The following SFMBT2 variants were observed in gnomAD, a reference collection of about 807,000 sequenced individuals.
SFMBT2 encodes the protein scm-like with four MBT domains protein 2.
Under a neutral mutation model 110.1 loss-of-function variants are expected in SFMBT2, and 38 were observed. The observed-to-expected ratio is 0.35, with a 90% CI of 0.27 to 0.45. The LOEUF is 0.45. SFMBT2 is among the 20% of genes least tolerant of loss of function. The pLI, the probability that SFMBT2 is intolerant of heterozygous loss-of-function variation, is 1.00. For synonymous variants in SFMBT2, 425 were observed against 425.4 expected, an observed-to-expected ratio of 1.00 and a Z score of 0.01; for missense variants, 1,011 against 1,094.9, an observed-to-expected ratio of 0.92 and a Z score of 1.08.
In SFMBT2 at chr10:7,380,950, G is replaced by C. The variant is rs558776766; in HGVS notation, c.100+849C>G. ...TGTAGTCCCAGCTATTGTGGAGGCTGAGGTGGGAAGATCACTTGGGCCCAA... is the reference window on the plus strand; with the variant it reads ...TGTAGTCCCAGCTATTGTGGAGGCTCAGGTGGGAAGATCACTTGGGCCCAA... On this transcript the variant is annotated intron_variant, in intron 2 of 20. Coordinates refer to ENST00000397167, the MANE Select transcript of SFMBT2 (RefSeq NM_001387889.1). Among the ~76,000 whole-genome samples the C allele has an allele frequency of 5.3e-5, 8 of 152,208 alleles. No individual in the cohort carries two copies. The South Asian group carries it at 1.7e-3, about 32-fold the overall frequency.
At chr10:7,331,585 C>T (rs924074423) in intron 4 of SFMBT2, among the ~76,000 whole-genome samples, 1 of 152,140 alleles carries the variant, frequency 6.6e-6, no homozygotes, top group Non-Finnish European at 1.5e-5. Flanking sequence ...CCACCACTGC[C>T]GCCCTGTCCA....
rs1845026646 is a variant in SFMBT2 at position 7,370,307 on chromosome 10, C to G, written c.169G>C (p.Ala57Pro). Reference protein sequence around the residue: ...GEYLEETGASAAPHTSFKHVE... With the variant: ...GEYLEETGASPAPHTSFKHVE... The stretch of plus-strand genomic sequence containing the variant: ...TGTTTGAATGATGTGTGGGGAGCAG[C>G]ACTTGCTCCTGTCTCTTCCAAATAT... Residue 57 changes from alanine (A) to proline (P), a missense_variant, in exon 3 of 21, where the codon GCT becomes CCT. By Grantham distance (27) the Ala-to-Pro change is conservative. This residue lies in a region of SFMBT2 where 979 missense variants were observed against 1,016.1 expected (regional missense o/e 0.96). Coordinates refer to ENST00000397167, the MANE Select transcript of SFMBT2 (RefSeq NM_001387889.1). 6.2e-7 allele frequency: 1 copy of G among 1,613,830 alleles called. No homozygotes were observed. Among genetic ancestry groups the G allele is most frequent in the Admixed American group, 1.7e-5 (1 of 60,004 alleles).
chr10:7,360,018 C>T (rs960253646), intron 4 of SFMBT2, among the ~76,000 whole-genome samples: 1 of 152,168 alleles, frequency 6.6e-6, no homozygotes. Context: ...AGAATAATAC[C>T]AGCCACTTCA....
chr10:7,179,897 G>A (rs10905115), intron 16 of SFMBT2, among the ~76,000 whole-genome samples: 73,545 of 152,164 alleles, frequency 0.48, 20,068 homozygotes, highest in East Asian at 0.64. Context: ...GAAGATTTAA[G>A]TTATAGCATC....
intron 4 of SFMBT2, chr10:7,329,434 A>T (rs1843498700): frequency 1.0e-6 from 1 of 985,290 alleles, no homozygotes; most frequent in Admixed American, 6.1e-5. Context: ...ACATCCCCAC[A>T]ACCACAAAAG....
chr10:7,177,850 T>G (rs1174728027), intron 16 of SFMBT2, among the ~76,000 whole-genome samples: 1 of 128,606 alleles, frequency 7.8e-6, no homozygotes, highest in Non-Finnish European at 1.8e-5. Flanking sequence ...ACAGTGGGGC[T>G]CTGTCTCTTA....
At chr10:7,198,497 T>C (rs1437607221) in intron 14 of SFMBT2, among the ~76,000 whole-genome samples, 1 of 152,220 alleles carries the variant, frequency 6.6e-6, no homozygotes, top group African/African-American at 2.4e-5. Context: ...TTCTCCACAG[T>C]GACTACCCCA....
At position 7,273,538 on chromosome 10, in the gene SFMBT2, T is replaced by C. The variant is rs373947788; in HGVS notation, c.870+3354A>G. On this transcript the variant is annotated intron_variant, in intron 7 of 20. Transcript: ENST00000397167. Reference sequence around the variant, plus strand: ...GTGCACAACGTGCAGGTTTGTTACATATGTATACATGTGCCATGTTGGTGT... The same window carrying C: ...GTGCACAACGTGCAGGTTTGTTACACATGTATACATGTGCCATGTTGGTGT... Among the ~76,000 whole-genome samples the C allele has an allele frequency of 7.2e-5, 11 of 152,356 alleles. No homozygotes were observed. In the East Asian group the frequency reaches 1.9e-3, roughly 27 times the overall value.
intron 7 of SFMBT2, chr10:7,249,458 A>T (rs1418051827): frequency 2.2e-5 from 21 of 938,672 alleles, no homozygotes; most frequent in Non-Finnish European, 2.7e-5. Flanking sequence ...CACAGTCTGG[A>T]TAAACAGCAG....
chr10:7,160,441 G>A lies in SFMBT2; in HGVS notation c.*3329C>T, dbSNP rs934935157. 7 of 152,288 alleles carry A rather than the reference G, an allele frequency of 4.6e-5. No homozygotes were observed. The highest frequency in any genetic ancestry group is 2.1e-4 in the South Asian group (1 of 4,816). 9.4% of individuals were successfully genotyped at this position (152,288 alleles called of 1,614,324 possible). A position where few individuals can be genotyped will look rare whatever the true frequency, so the allele number is the denominator to read the frequency against. ...CATCTCTTTCTCAGGGTTTTCAAAC[G>A]GCGCAGACTGCAGAGTCTCCCGGGC... On this transcript the variant is annotated 3_prime_UTR_variant, in exon 21 of 21. Transcript: ENST00000397167.
chr10:7,357,440 G>A (rs552612890), intron 4 of SFMBT2, among the ~76,000 whole-genome samples: 4 of 152,278 alleles, frequency 2.6e-5, no homozygotes, highest in Middle Eastern at 3.4e-3. Context: ...CCCAAAGCCC[G>A]AGGGGATTCT....
intron 9 of SFMBT2, among the ~76,000 whole-genome samples, chr10:7,233,789 T>C (rs1159688349): frequency 1.3e-5 from 2 of 152,244 alleles, no homozygotes; most frequent in African/African-American, 4.8e-5. Flanking sequence ...CCAACATTCC[T>C]TGAACACCCA....
chr10:7,233,832 G>A (rs535116210), intron 9 of SFMBT2, among the ~76,000 whole-genome samples: 11 of 152,280 alleles, frequency 7.2e-5, no homozygotes, highest in African/African-American at 2.4e-4. Flanking sequence ...AACCCTTCAG[G>A]GGATGAATGT....
At chr10:7,193,446 C>A (rs368441058) in intron 15 of SFMBT2, among the ~76,000 whole-genome samples, 3 of 152,244 alleles carry the variant, frequency 2.0e-5, no homozygotes, top group Non-Finnish European at 4.4e-5. Context: ...GGGATTTTCT[C>A]CAAGGACAAT....
intron 7 of SFMBT2, among the ~76,000 whole-genome samples, chr10:7,260,708 T>C (rs935029014): frequency 1.3e-5 from 2 of 152,120 alleles, no homozygotes; most frequent in Non-Finnish European, 2.9e-5. Flanking sequence ...CATTCCCCAG[T>C]GCAGACAGTT....
At chr10:7,207,805 T>G (rs996522676) in intron 11 of SFMBT2, among the ~76,000 whole-genome samples, 2 of 152,194 alleles carry the variant, frequency 1.3e-5, no homozygotes, top group Admixed American at 6.5e-5. Context: ...CAATTTAGAG[T>G]TAAGCCAATA....
chr10:7,384,211 CAAAAAAAAAAAAAAAA>C (rs59239303), intron 1 of SFMBT2, among the ~76,000 whole-genome samples: 2 of 27,978 alleles, frequency 7.1e-5, no homozygotes, highest in African/African-American at 1.8e-4. Flanking sequence ...AACTCCATCT[CAAAAAAAAAAAAAAAA>C]AAAAAAAAAA....
At chr10:7,296,671 A>AT (rs1166160600) in intron 4 of SFMBT2, among the ~76,000 whole-genome samples, 1 of 152,208 alleles carries the variant, frequency 6.6e-6, no homozygotes, top group African/African-American at 2.4e-5. Flanking sequence ...GTGATGGTTA[A>AT]TTTTATGTCA....
chr10:7,293,694 CTCTCTT>C lies in SFMBT2; in HGVS notation c.437-7746_437-7741del, dbSNP rs965984971. 2.6e-5 allele frequency among the ~76,000 whole-genome samples: 4 copies of C among 152,202 alleles called. No individual in the cohort carries two copies. The highest frequency in any genetic ancestry group is 2.4e-5 in the African/African-American group (1 of 41,456). The stretch of plus-strand genomic sequence containing the variant: ...AGGTGCAAGCACAGTCAAAGTTCCT[CTCTCTT>C]TCTCTTTCTCTCTCTCTCTTTCTCT... On this transcript the variant is annotated intron_variant, in intron 4 of 20. Transcript: ENST00000397167. This position sits in a 1 kb window ranked among gnomAD's most constrained non-coding sequence, Gnocchi z 4.6.
Sources: allele counts gnomAD v4.1 joint callset (sites outside exome capture counted in the v4.1 genomes callset), GRCh38; gene constraint gnomAD v4.1.1; regional missense constraint gnomAD v4.1.1; non-coding constraint Gnocchi (gnomAD v3.1); transcripts MANE v1.5; gene names NCBI Gene and HGNC (gene_info 2026-07-23, HGNC 2026-07-21).